Variants in CLYBL observed in about 807,000 individuals in gnomAD.
CLYBL encodes citramalyl-CoA lyase, mitochondrial.
A neutral mutation model predicts 38.9 loss-of-function variants in CLYBL; 31 were observed. That is an observed-to-expected ratio of 0.80 (90% CI 0.60 to 1.08). The LOEUF is 1.08. Among genes scored for constraint, CLYBL ranks in the 50% least tolerant of loss-of-function variants. The pLI is 0.00. For synonymous variants in CLYBL, 171 were observed against 158.6 expected (o/e 1.08, Z -0.59); for missense variants, 434 against 411.6 (o/e 1.05, Z -0.47).
At chr13:99,650,115 T>A (rs2047230407) in intron 1 of CLYBL, among the ~76,000 whole-genome samples, 1 of 151,890 alleles carries the variant, frequency 6.6e-6, no homozygotes, top group Non-Finnish European at 1.5e-5. Flanking sequence ...TACAAAAAAT[T>A]AGCTGGGCGT....
chr13:99,669,137 A>G (rs2793788), intron 1 of CLYBL, among the ~76,000 whole-genome samples: 136,232 of 151,914 alleles, frequency 0.9, 61,124 homozygotes, highest in Middle Eastern at 0.9. Flanking sequence ...AAGTAGCTGG[A>G]ACTACAGGCA....
chr13:99,777,560 T>C (rs1281363218), intron 2 of CLYBL, among the ~76,000 whole-genome samples: 3 of 151,856 alleles, frequency 2.0e-5, no homozygotes, highest in Non-Finnish European at 2.9e-5. Flanking sequence ...TGGTGTGATC[T>C]CAGCTTAATG....
At chr13:99,742,581 A>G (rs1430681625) in intron 1 of CLYBL, among the ~76,000 whole-genome samples, 1 of 152,236 alleles carries the variant, frequency 6.6e-6, no homozygotes, top group Non-Finnish European at 1.5e-5. Context: ...TCAGCACTTT[A>G]AAATCCTTTA....
intron 1 of CLYBL, among the ~76,000 whole-genome samples, chr13:99,673,644 G>T (rs1038376741): frequency 6.6e-6 from 1 of 152,180 alleles, no homozygotes; most frequent in African/African-American, 2.4e-5. Context: ...GAAGTGAGAG[G>T]GGTCCACAGC....
At chr13:99,617,636 C>CCT (rs10645961) in intron 1 of CLYBL, among the ~76,000 whole-genome samples, 122,794 of 151,920 alleles carry the variant, frequency 0.81, 49,695 homozygotes, top group East Asian at 0.87. Context: ...CTCACGAACG[C>CCT]CTTTCAGAAG....
chr13:99,637,962 C>CTTATTTTTTTTTTTT (rs767108553), intron 1 of CLYBL, among the ~76,000 whole-genome samples: 1 of 94,998 alleles, frequency 1.1e-5, no homozygotes, highest in African/African-American at 3.9e-5. Context: ...TCAACAGTGC[C>CTTATTTTTTTTTTTT]TTTTTTTTTT....
downstream of CLYBL, chr13:99,892,881 G>C (rs2052520809): frequency 6.6e-6 from 1 of 152,316 alleles, no homozygotes; most frequent in African/African-American, 2.4e-5. Flanking sequence ...TTAGACACCA[G>C]GAGAGGCACC....
chr13:99,725,966 CT>C (rs2048466183), intron 1 of CLYBL, among the ~76,000 whole-genome samples: 2 of 152,230 alleles, frequency 1.3e-5, no homozygotes, highest in African/African-American at 4.8e-5. Context: ...GATAAAATCC[CT>C]TTTTCTCCAG....
chr13:99,681,239 A>G, intron 1 of CLYBL, among the ~76,000 whole-genome samples: 1 of 152,190 alleles, frequency 6.6e-6, no homozygotes, highest in East Asian at 1.9e-4. Context: ...TAGAATAGAT[A>G]CTAGTATCGT....
At chr13:99,703,422 T>C (rs2048099536) in intron 1 of CLYBL, among the ~76,000 whole-genome samples, 1 of 152,166 alleles carries the variant, frequency 6.6e-6, no homozygotes, top group Non-Finnish European at 1.5e-5. Flanking sequence ...CAGGCTGGAG[T>C]GCAGTGGCGC....
intron 1 of CLYBL, among the ~76,000 whole-genome samples, chr13:99,657,805 G>T (rs1183488846): frequency 6.6e-6 from 1 of 152,168 alleles, no homozygotes; most frequent in Non-Finnish European, 1.5e-5. Flanking sequence ...GAGCAATTAA[G>T]GTTTGTTATT....
chr13:99,818,908 C>G lies in CLYBL; in HGVS notation c.250-39953C>G, dbSNP rs571990978. On this transcript the variant is annotated intron_variant, in intron 2 of 8. Coordinates refer to ENST00000339105, the MANE Select transcript of CLYBL (RefSeq NM_206808.5). ...TGCTTAATATTCCATCAAGCTGATG[C>G]ACTGTAATTGTCTAAAACAAGTGTG... Among the ~76,000 whole-genome samples, 3 of 152,286 alleles carry G rather than the reference C, an allele frequency of 2.0e-5. No homozygotes were observed. The East Asian group carries it at 5.8e-4, about 29-fold the overall frequency.
rs117743194 is a variant in CLYBL at position 99,678,637 on chromosome 13, G to A, written c.62+71880G>A. ...GCAGATGAATTTACACCAACAAATT[G>A]TTAATTATGCACCAATTTGCCTTTT... On this transcript the variant is annotated intron_variant, in intron 1 of 8. Coordinates refer to ENST00000339105, the MANE Select transcript of CLYBL (RefSeq NM_206808.5). Among the ~76,000 whole-genome samples the A allele has an allele frequency of 2.9e-3, 445 of 152,296 alleles. 2 individuals carry two copies. In the Middle Eastern group the frequency reaches 0.031, roughly 10 times the overall value.
chr13:99,813,347 G>A (rs569894832), intron 2 of CLYBL, among the ~76,000 whole-genome samples: 4 of 152,278 alleles, frequency 2.6e-5, no homozygotes, highest in East Asian at 1.9e-4. Flanking sequence ...TGACAGTGCC[G>A]TCTTCACATG....
chr13:99,713,342 T>C (rs966193017), intron 1 of CLYBL, among the ~76,000 whole-genome samples: 10 of 147,132 alleles, frequency 6.8e-5, no homozygotes, highest in Admixed American at 1.3e-4. Context: ...TTCTTTTTTT[T>C]TTTTTTTTTT....
chr13:99,707,914 T>C (rs149441940), intron 1 of CLYBL, among the ~76,000 whole-genome samples: 25 of 152,312 alleles, frequency 1.6e-4, no homozygotes, highest in African/African-American at 5.8e-4. Context: ...ACTGATATGC[T>C]TTCAGCCAGG....
intron 3 of CLYBL, 84 bp from the exon 4 acceptor site, chr13:99,862,907 A>AGATTT: frequency 1.6e-6 from 1 of 614,928 alleles, no homozygotes; most frequent in Non-Finnish European, 2.8e-6. Flanking sequence ...CTCAGGTCAA[A>AGATTT]GACTTAAATA....
intron 2 of CLYBL, among the ~76,000 whole-genome samples, chr13:99,794,442 T>C (rs913335044): frequency 6.6e-6 from 1 of 152,084 alleles, no homozygotes; most frequent in Non-Finnish European, 1.5e-5. Context: ...TTCAAGTGTA[T>C]ATAACCACTG....
At chr13:99,655,006 G>T (rs2047309625) in intron 1 of CLYBL, among the ~76,000 whole-genome samples, 2 of 152,004 alleles carry the variant, frequency 1.3e-5, no homozygotes, top group South Asian at 4.1e-4. Context: ...TCTATCAGAA[G>T]AAGAACCCCC....
Sources: gnomAD v4.1 joint callset for allele counts (sites outside exome capture counted in the v4.1 genomes callset) on GRCh38, gnomAD v4.1.1 for gene constraint, MANE v1.5 for transcripts, NCBI Gene and HGNC (gene_info 2026-07-23, HGNC 2026-07-21) for gene names.